WDFY4: variants seen among roughly 807,000 people sequenced by gnomAD.
WDFY4 encodes WDFY family member 4.
In WDFY4, 169 loss-of-function variants were observed where a neutral mutation model predicts 351.9. The observed-to-expected ratio is 0.48, with a 90% CI of 0.42 to 0.55. WDFY4 has a LOEUF of 0.55. Among genes scored for constraint, WDFY4 ranks in the 20% least tolerant of loss-of-function variants. The pLI, the probability that WDFY4 is intolerant of heterozygous loss-of-function variation, is 0.00. For missense variants in WDFY4, 3,803 were observed against 3,935.6 expected, an observed-to-expected ratio of 0.97 and a Z score of 0.90; for synonymous variants, 1,622 against 1,574.6, an observed-to-expected ratio of 1.03 and a Z score of -0.71.
intron 58 of WDFY4, among the ~76,000 whole-genome samples, chr10:48,976,248 A>G (rs1197451132): frequency 6.6e-6 from 1 of 152,226 alleles, no homozygotes; most frequent in Non-Finnish European, 1.5e-5. Flanking sequence ...CCACTATAGA[A>G]TAAACAGGAC....
At chr10:48,868,693 C>A (rs563563043) in intron 40 of WDFY4, among the ~76,000 whole-genome samples, 80 of 152,176 alleles carry the variant, frequency 5.3e-4, no homozygotes, top group Non-Finnish European at 5.4e-4. Context: ...ACATCCTCAT[C>A]ACCACTACAC....
chr10:48,817,306 TC>T lies in WDFY4; in HGVS notation c.5404del (p.Leu1802SerfsTer25). On this transcript the variant is annotated frameshift_variant, in exon 32 of 62. Transcript: ENST00000325239. LOFTEE classifies it high-confidence loss of function. ...AQTFPASVLQ[F>X]LSLVHRTYPQ... ...ACCTTCCCGGCCAGCGTGCTGCAGTTCCTCAGCCTCGTCCACCGCACCTACC... is the reference window on the plus strand; with the variant it reads ...ACCTTCCCGGCCAGCGTGCTGCAGTTCTCAGCCTCGTCCACCGCACCTACC... The T allele has an allele frequency of 1.3e-6, 2 of 1,551,712 alleles. No homozygotes were observed. Among genetic ancestry groups the T allele is most frequent in the Non-Finnish European group, 1.7e-6 (2 of 1,147,000 alleles).
intron 51 of WDFY4, among the ~76,000 whole-genome samples, chr10:48,953,113 C>T (rs982460181): frequency 1.3e-5 from 2 of 152,140 alleles, no homozygotes; most frequent in African/African-American, 2.4e-5. Flanking sequence ...TACCCCACCT[C>T]CTACCTTCCA....
At chr10:48,690,061 T>C (rs559870958) in intron 1 of WDFY4, among the ~76,000 whole-genome samples, 14 of 152,354 alleles carry the variant, frequency 9.2e-5, no homozygotes, top group African/African-American at 3.4e-4. Flanking sequence ...TAGTGAATAT[T>C]TGGCAGGAGT....
chr10:48,900,936 T>A (rs918814768), intron 46 of WDFY4, among the ~76,000 whole-genome samples: 2 of 152,250 alleles, frequency 1.3e-5, no homozygotes, highest in African/African-American at 4.8e-5. Flanking sequence ...CTCATCATTA[T>A]AGACCACAGA....
chr10:48,810,993 A>C (rs2067426439), intron 29 of WDFY4, among the ~76,000 whole-genome samples: 1 of 152,184 alleles, frequency 6.6e-6, no homozygotes, highest in Non-Finnish European at 1.5e-5. Flanking sequence ...TCTCCTGGGC[A>C]CTGTATACTC....
intron 24 of WDFY4, among the ~76,000 whole-genome samples, chr10:48,797,407 T>G (rs1257466992): frequency 6.6e-6 from 1 of 152,228 alleles, no homozygotes; most frequent in Non-Finnish European, 1.5e-5. Context: ...GAATATTTTT[T>G]AATTAGAGAA....
intron 47 of WDFY4, among the ~76,000 whole-genome samples, chr10:48,938,907 C>T (rs1840579265): frequency 6.6e-6 from 1 of 152,114 alleles, no homozygotes; most frequent in African/African-American, 2.4e-5. Flanking sequence ...TGTGATGTCC[C>T]CTGTATGTCC....
intron 47 of WDFY4, among the ~76,000 whole-genome samples, chr10:48,917,746 A>G (rs1838682867): frequency 6.6e-6 from 1 of 152,238 alleles, no homozygotes; most frequent in South Asian, 2.1e-4. Context: ...GAAGTTCTTC[A>G]GGTGAAAGGG....
At chr10:48,945,501 G>C (rs1240521875) in intron 49 of WDFY4, among the ~76,000 whole-genome samples, 2 of 152,190 alleles carry the variant, frequency 1.3e-5, no homozygotes, top group African/African-American at 4.8e-5. Context: ...AGAGCACCTG[G>C]CCCTGAAACT....
intron 1 of WDFY4, among the ~76,000 whole-genome samples, chr10:48,697,657 A>G (rs1046697583): frequency 1.3e-5 from 2 of 152,212 alleles, no homozygotes; most frequent in Admixed American, 6.5e-5. Context: ...CCCTCTAACC[A>G]GAGTGATCAT....
At chr10:48,772,066 A>G (rs996343362) in intron 13 of WDFY4, among the ~76,000 whole-genome samples, 4 of 152,214 alleles carry the variant, frequency 2.6e-5, no homozygotes, top group Non-Finnish European at 5.9e-5. Context: ...GCAAAGGTAT[A>G]AAACATGGAA....
intron 47 of WDFY4, among the ~76,000 whole-genome samples, chr10:48,932,862 A>C (rs1840106237): frequency 6.6e-6 from 1 of 152,168 alleles, no homozygotes; most frequent in African/African-American, 2.4e-5. Flanking sequence ...GCTAAGAAGA[A>C]GCCACATGGA....
chr10:48,861,127 G>A (rs2069326330), intron 39 of WDFY4, among the ~76,000 whole-genome samples: 1 of 152,052 alleles, frequency 6.6e-6, no homozygotes, highest in Non-Finnish European at 1.5e-5. Context: ...CATTTATAAT[G>A]TAATAGTTTT....
chr10:48,862,743 CT>C (rs1456567617), intron 39 of WDFY4, among the ~76,000 whole-genome samples: 1 of 152,184 alleles, frequency 6.6e-6, no homozygotes, highest in Admixed American at 6.5e-5. Context: ...AAACCAGTCC[CT>C]GCTGCCAAAA....
intron 51 of WDFY4, among the ~76,000 whole-genome samples, chr10:48,956,081 T>C (rs1364011950): frequency 6.6e-6 from 1 of 152,206 alleles, no homozygotes; most frequent in African/African-American, 2.4e-5. Context: ...AACCAGGACC[T>C]GGAGGGAGGC....
chr10:48,688,273 CTTCCATCCTGTCTTGAGAAT>C (rs1464355177), intron 1 of WDFY4, among the ~76,000 whole-genome samples: 1 of 152,152 alleles, frequency 6.6e-6, no homozygotes, highest in African/African-American at 2.4e-5. Context: ...TTCTTTTCTT[CTTCCATCCTGTCTTGAGAAT>C]TCTTGGTATT....
chr10:48,755,132 T>A (rs1307059910), intron 12 of WDFY4, among the ~76,000 whole-genome samples: 1 of 152,168 alleles, frequency 6.6e-6, no homozygotes, highest in Non-Finnish European at 1.5e-5. Context: ...TCTTTCCTTA[T>A]AGTTTTGTCT....
chr10:48,818,923 T>C (rs1276102500), intron 32 of WDFY4, among the ~76,000 whole-genome samples: 1 of 152,198 alleles, frequency 6.6e-6, no homozygotes, highest in Non-Finnish European at 1.5e-5. Flanking sequence ...AGGGCGAGCC[T>C]ACAGGCTCCC....
Sources: allele counts gnomAD v4.1 joint callset (sites outside exome capture counted in the v4.1 genomes callset), GRCh38; gene constraint gnomAD v4.1.1; transcripts MANE v1.5; gene names NCBI Gene and HGNC (gene_info 2026-07-23, HGNC 2026-07-21).